Variants in WDR59 observed in about 807,000 individuals in gnomAD.
WDR59 encodes WD repeat domain 59.
A neutral mutation model predicts 131.2 loss-of-function variants in WDR59; 100 were observed. The observed-to-expected ratio is 0.76, with a 90% confidence interval of 0.65 to 0.90. The LOEUF (loss-of-function observed/expected upper bound fraction) is 0.90. WDR59 is among the 40% of genes least tolerant of loss of function. WDR59 has a pLI of 0.00. For synonymous variants in WDR59, 601 were observed against 466.2 expected (o/e 1.29, Z -3.72); for missense variants, 1,203 against 1,262.2 (o/e 0.95, Z 0.71).
At chr16:74,877,456 C>T (rs1309090232) in intron 25 of WDR59, among the ~76,000 whole-genome samples, 1 of 152,130 alleles carries the variant, frequency 6.6e-6, no homozygotes, top group Non-Finnish European at 1.5e-5. Context: ...TTTTGTCATG[C>T]TTTTGAATCA....
chr16:74,945,442 A>T (rs148162702), intron 6 of WDR59, among the ~76,000 whole-genome samples: 1 of 151,824 alleles, frequency 6.6e-6, no homozygotes, highest in Non-Finnish European at 1.5e-5. Flanking sequence ...ATGCCACTGC[A>T]CTCCAGCCTG....
chr16:74,913,301 G>A (rs1430589939), intron 13 of WDR59, among the ~76,000 whole-genome samples: 1 of 147,928 alleles, frequency 6.8e-6, no homozygotes, highest in Non-Finnish European at 1.5e-5. Flanking sequence ...GTCTCACTTT[G>A]TCACCCAGGC....
chr16:74,915,603 A>C, intron 13 of WDR59: 1 of 232,420 alleles, frequency 4.3e-6, no homozygotes, highest in Non-Finnish European at 8.3e-6. Context: ...TTAAGTGGAG[A>C]CAGGGTTTCA....
intron 6 of WDR59, among the ~76,000 whole-genome samples, chr16:74,943,670 C>T (rs940370416): frequency 1.3e-5 from 2 of 152,168 alleles, no homozygotes; most frequent in Non-Finnish European, 2.9e-5. Context: ...TGCCCTTGCT[C>T]ACAGCACACA....
At chr16:74,882,273 C>A (rs1431387364) in intron 25 of WDR59, among the ~76,000 whole-genome samples, 1 of 152,214 alleles carries the variant, frequency 6.6e-6, no homozygotes, top group Non-Finnish European at 1.5e-5. Context: ...CATCATTAAT[C>A]TTTTCCTGAG....
chr16:74,874,143 C>G lies in WDR59; in HGVS notation c.*66G>C. The G allele has an allele frequency of 1.4e-6, 2 of 1,392,254 alleles. No homozygotes were observed. Among genetic ancestry groups the G allele is most frequent in the South Asian group, 2.7e-5 (2 of 75,164 alleles). The allele number at this position is 1,392,254 out of a possible 1,614,324, so 86.2% of individuals were successfully genotyped here. The stretch of plus-strand genomic sequence containing the variant: ...CCAGGTTCTGGAGCCTCTCCCCTGA[C>G]AGACAGCTTGTCACCGGCACTTATG... On this transcript the variant is annotated 3_prime_UTR_variant, in exon 26 of 26. Coordinates refer to ENST00000262144, the MANE Select transcript of WDR59 (RefSeq NM_030581.4).
At chr16:74,880,091 G>A (rs751419217) in intron 25 of WDR59, among the ~76,000 whole-genome samples, 1 of 152,184 alleles carries the variant, frequency 6.6e-6, no homozygotes, top group Non-Finnish European at 1.5e-5. Context: ...TACATGGATA[G>A]ATCAGATTTA....
intron 17 of WDR59, 117 bp downstream of exon 17, chr16:74,908,791 G>A: frequency 1.5e-6 from 1 of 684,752 alleles, no homozygotes; most frequent in Non-Finnish European, 2.5e-6. Flanking sequence ...CTTATAATGG[G>A]AGTTTACTGA....
At chr16:74,915,033 A>G (rs1343027447) in intron 13 of WDR59, among the ~76,000 whole-genome samples, 1 of 152,230 alleles carries the variant, frequency 6.6e-6, no homozygotes, top group African/African-American at 2.4e-5. Flanking sequence ...CTTGCCCCCA[A>G]AAAAGTAACT....
chr16:74,900,106 G>A (rs529388453), intron 18 of WDR59, among the ~76,000 whole-genome samples: 1 of 152,238 alleles, frequency 6.6e-6, no homozygotes, highest in Non-Finnish European at 1.5e-5. Context: ...TGTGCAAGTG[G>A]AGAAATAGGC....
intron 8 of WDR59, among the ~76,000 whole-genome samples, chr16:74,933,804 C>G (rs577515664): frequency 1.3e-5 from 2 of 152,202 alleles, no homozygotes; most frequent in Non-Finnish European, 2.9e-5. Flanking sequence ...GGGCTAGTCA[C>G]GAACTTCTGA....
At chr16:74,983,365 CG>C (rs1452311855) in intron 1 of WDR59, among the ~76,000 whole-genome samples, 2 of 151,798 alleles carry the variant, frequency 1.3e-5, no homozygotes, top group Non-Finnish European at 2.9e-5. Context: ...CCCAGCTACT[CG>C]GGAGGCTGAG....
intron 17 of WDR59, among the ~76,000 whole-genome samples, chr16:74,904,640 A>G: frequency 9.4e-6 from 1 of 106,682 alleles, no homozygotes; most frequent in Admixed American, 1.2e-4. Context: ...TCAAAATACA[A>G]GCAGGCTTTT....
rs1361634594 is a variant in WDR59 at position 74,981,635 on chromosome 16, TATATATATATATATATA to T, written c.54+3312_54+3328del. On this transcript the variant is annotated intron_variant, in intron 1 of 25. Coordinates refer to ENST00000262144, the MANE Select transcript of WDR59 (RefSeq NM_030581.4). ...TTACATATATATATATATATATATA[TATATATATATATATATA>T]TATATATATTTTTTTTTTTTTTAGA... is the stretch of plus-strand genomic sequence containing the variant. Among the ~76,000 whole-genome samples, 112 of 25,746 alleles carry T rather than the reference TATATATATATATATATA, an allele frequency of 4.4e-3. 8 individuals carry two copies. The highest frequency in any genetic ancestry group is 0.032 in the East Asian group (34 of 1,052). 16.9% of individuals were successfully genotyped at this position (25,746 alleles called of 152,430 possible). A position where few individuals can be genotyped will look rare whatever the true frequency, so the allele number is the denominator to read the frequency against.
At chr16:74,982,764 A>G (rs2034478858) in intron 1 of WDR59, among the ~76,000 whole-genome samples, 1 of 152,182 alleles carries the variant, frequency 6.6e-6, no homozygotes, top group Admixed American at 6.6e-5. Flanking sequence ...TCCTTAATCC[A>G]AATGCTACTG....
chr16:74,920,052 G>A (rs986438736), intron 10 of WDR59, among the ~76,000 whole-genome samples: 2 of 141,952 alleles, frequency 1.4e-5, no homozygotes, highest in African/African-American at 2.6e-5. Flanking sequence ...CTGGGTGACA[G>A]AGCGAGACCC....
intron 25 of WDR59, among the ~76,000 whole-genome samples, chr16:74,879,472 C>T (rs1488537569): frequency 6.6e-6 from 1 of 152,172 alleles, no homozygotes; most frequent in Non-Finnish European, 1.5e-5. Context: ...AAGCAGATGA[C>T]TTCAGTCAAA....
At chr16:74,950,613 T>G (rs2032935365) in intron 4 of WDR59, among the ~76,000 whole-genome samples, 1 of 152,086 alleles carries the variant, frequency 6.6e-6, no homozygotes, top group African/African-American at 2.4e-5. Flanking sequence ...TCCCAGCACT[T>G]CCAGGTCAGC....
At chr16:74,962,767 C>A (rs1011281903) in intron 2 of WDR59, 6 of 129,164 alleles carry the variant, frequency 4.6e-5, no homozygotes, top group East Asian at 4.0e-4. Context: ...TTTATTTTTT[C>A]TTTTTTCTTT....
Sources: allele counts gnomAD v4.1 joint callset (sites outside exome capture counted in the v4.1 genomes callset), GRCh38; gene constraint gnomAD v4.1.1; transcripts MANE v1.5; gene names NCBI Gene and HGNC (gene_info 2026-07-23, HGNC 2026-07-21).